The following PJA2 variants were observed in gnomAD, a reference collection of about 807,000 sequenced individuals.
PJA2 encodes the protein praja ring finger ubiquitin ligase 2.
PJA2 carries 25 observed loss-of-function variants against 69.3 expected under a neutral mutation model. The ratio of observed to expected loss-of-function variants is 0.36; its 90% CI spans 0.26 to 0.50. PJA2 has a LOEUF of 0.50. PJA2 is among the 20% of genes least tolerant of loss of function. The pLI is 0.96. For synonymous variants in PJA2, 308 were observed against 277.8 expected, an observed-to-expected ratio of 1.11 and a Z score of -1.08; for missense variants, 809 against 830.2, an observed-to-expected ratio of 0.97 and a Z score of 0.31.
chr5:109,361,919 T>C (rs372659799), intron 6 of PJA2, among the ~76,000 whole-genome samples: 13 of 152,288 alleles, frequency 8.5e-5, no homozygotes, highest in African/African-American at 3.1e-4. Flanking sequence ...TACAGAGAAG[T>C]AGCTAGCACA....
chr5:109,361,350 A>G (rs747980045), intron 6 of PJA2, among the ~76,000 whole-genome samples: 1 of 152,350 alleles, frequency 6.6e-6, no homozygotes, highest in Non-Finnish European at 1.5e-5. Flanking sequence ...CACTATTTCA[A>G]TGAGTCAATA....
intron 4 of PJA2, among the ~76,000 whole-genome samples, chr5:109,375,910 G>C (rs1234027813): frequency 1.3e-5 from 2 of 152,088 alleles, no homozygotes; most frequent in African/African-American, 4.8e-5. Flanking sequence ...AGAGGAACAG[G>C]ACACAGCAGC....
intron 4 of PJA2, among the ~76,000 whole-genome samples, chr5:109,374,324 CTAAAATG>C (rs1582609655): frequency 1.3e-5 from 2 of 152,146 alleles, no homozygotes; most frequent in East Asian, 3.8e-4. Context: ...AAAAGGTTTG[CTAAAATG>C]TCAGCACATA....
intron 1 of PJA2, among the ~76,000 whole-genome samples, chr5:109,386,994 C>T (rs1233583941): frequency 6.6e-6 from 1 of 152,114 alleles, no homozygotes; most frequent in African/African-American, 2.4e-5. Flanking sequence ...CTCTTGTACA[C>T]GTCTCAAATA....
chr5:109,338,331 A>G (rs985135923), intron 9 of PJA2, among the ~76,000 whole-genome samples: 1 of 152,062 alleles, frequency 6.6e-6, no homozygotes, highest in Non-Finnish European at 1.5e-5. Context: ...AACATATATT[A>G]CGTTTACCGT....
At chr5:109,391,646 A>G (rs1192220418) in intron 1 of PJA2, among the ~76,000 whole-genome samples, 1 of 152,162 alleles carries the variant, frequency 6.6e-6, no homozygotes, top group Non-Finnish European at 1.5e-5. Context: ...GAGAGAAAAT[A>G]AAAAGTTTAA....
chr5:109,372,419 C>T (rs1295597800), intron 4 of PJA2, among the ~76,000 whole-genome samples: 8 of 152,168 alleles, frequency 5.3e-5, no homozygotes. Context: ...CAAGACCTTC[C>T]TGTATAAAAT....
intron 1 of PJA2, among the ~76,000 whole-genome samples, chr5:109,390,976 C>T (rs1269273932): frequency 6.6e-6 from 1 of 152,150 alleles, no homozygotes; most frequent in Non-Finnish European, 1.5e-5. Context: ...TACACTCTTA[C>T]TGTCTACTTC....
intron 9 of PJA2, among the ~76,000 whole-genome samples, chr5:109,341,609 A>G (rs1166702305): frequency 3.1e-5 from 3 of 96,404 alleles, no homozygotes; most frequent in African/African-American, 4.3e-5. Context: ...TGGGGGGGTC[A>G]GCCCCCCGCC....
At chr5:109,386,104 CAGTGAGACTCT>C (rs1467543550) in intron 1 of PJA2, among the ~76,000 whole-genome samples, 1 of 148,866 alleles carries the variant, frequency 6.7e-6, no homozygotes, top group East Asian at 2.0e-4. Flanking sequence ...CACCTGAGGT[CAGTGAGACTCT>C]GTCTCAAAAA....
intron 1 of PJA2, among the ~76,000 whole-genome samples, chr5:109,384,112 C>T (rs900678388): frequency 6.6e-6 from 1 of 152,098 alleles, no homozygotes; most frequent in Non-Finnish European, 1.5e-5. Flanking sequence ...AGTAAACAAA[C>T]AAAAATATCA....
intron 3 of PJA2, among the ~76,000 whole-genome samples, chr5:109,379,596 A>T (rs907428119): frequency 1.3e-5 from 2 of 152,198 alleles, no homozygotes; most frequent in Non-Finnish European, 2.9e-5. Flanking sequence ...GTCTAGGGTA[A>T]CCAATCTGCT....
Position 109,379,062 on chromosome 5 carries a change from G to T in PJA2, c.425C>A (p.Ser142Tyr), listed in dbSNP as rs1463099660. Residue 142 changes from serine to tyrosine, a missense_variant, in exon 4 of 10, where the codon TCT becomes TAT. Around this residue, in one of 4 missense-constraint regions of PJA2, gnomAD observed 700 missense variants for 639.5 expected, o/e 1.09. Coordinates refer to ENST00000361189, the MANE Select transcript of PJA2 (RefSeq NM_014819.5). ...LGSSTNLHNHSEGEYIPGACS... is the reference protein window; with the variant it reads ...LGSSTNLHNHYEGEYIPGACS... The stretch of plus-strand genomic sequence containing the variant: ...AGCTCCTGGAATATACTCTCCCTCA[G>T]AGTGATTATGAAGATTTGTACTGCT... The T allele has an allele frequency of 3.7e-6, 6 of 1,613,946 alleles. No homozygotes were observed. Among genetic ancestry groups the T allele is most frequent in the Non-Finnish European group, 5.1e-6 (6 of 1,180,004 alleles).
intron 7 of PJA2, among the ~76,000 whole-genome samples, chr5:109,352,347 T>C (rs1762268045): frequency 6.6e-6 from 1 of 152,198 alleles, no homozygotes; most frequent in South Asian, 2.1e-4. Flanking sequence ...CTCCATATTG[T>C]AGGAAATCAT....
rs1410585634 is a variant in PJA2 at position 109,354,198 on chromosome 5, A to C, written c.1764+1717T>G. Among the ~76,000 whole-genome samples the C allele has an allele frequency of 9.3e-4, 123 of 131,670 alleles. 2 individuals are homozygous for C. The highest frequency in any genetic ancestry group is 0.011 in the Middle Eastern group (1 of 92). 86.4% of individuals were successfully genotyped at this position (131,670 alleles called of 152,430 possible). On this transcript the variant is annotated intron_variant, in intron 7 of 9. Coordinates refer to ENST00000361189, the MANE Select transcript of PJA2 (RefSeq NM_014819.5). ...TATAGATTAGATATCTATGATATCT[A>C]GAGATATCTATAGATTAGATATCTA...
In PJA2 at chr5:109,382,227, A is replaced by G. The variant is rs115079750; in HGVS notation, c.32-524T>C. Reference sequence around the variant, plus strand: ...TGAAGAATCAACTAGATCACAATAAATATGTTCCAAAGATTAACGTCAGAT... The same window carrying G: ...TGAAGAATCAACTAGATCACAATAAGTATGTTCCAAAGATTAACGTCAGAT... On this transcript the variant is annotated intron_variant, in intron 2 of 9. Transcript: ENST00000361189. Among the ~76,000 whole-genome samples the G allele has an allele frequency of 5.7e-3, 873 of 152,306 alleles. 11 individuals are homozygous for G. Among genetic ancestry groups the G allele is most frequent in the African/African-American group, 0.019 (804 of 41,564 alleles).
At chr5:109,351,144 T>C (rs1554053355) in intron 7 of PJA2, among the ~76,000 whole-genome samples, 1 of 150,824 alleles carries the variant, frequency 6.6e-6, no homozygotes, top group Non-Finnish European at 1.5e-5. Flanking sequence ...GGAAGGAATC[T>C]AAAGAATATC....
chr5:109,361,634 A>T (rs1762507805), intron 6 of PJA2, among the ~76,000 whole-genome samples: 1 of 152,262 alleles, frequency 6.6e-6, no homozygotes, highest in Admixed American at 6.5e-5. Context: ...GGAGGAAAAG[A>T]GAGACGTATC....
intron 9 of PJA2, among the ~76,000 whole-genome samples, chr5:109,343,579 T>G (rs2126986680): frequency 6.6e-6 from 1 of 152,272 alleles, no homozygotes; most frequent in African/African-American, 2.4e-5. Context: ...GGGTTATGAT[T>G]AAAATTCTAA....
Sources: gnomAD v4.1 joint callset for allele counts (sites outside exome capture counted in the v4.1 genomes callset) on GRCh38, gnomAD v4.1.1 for gene constraint, gnomAD v4.1.1 regional missense constraint, MANE v1.5 for transcripts, NCBI Gene and HGNC (gene_info 2026-07-23, HGNC 2026-07-21) for gene names.